The following B3GALT1 variants were observed in gnomAD, a reference collection of about 807,000 sequenced individuals.
The protein encoded by B3GALT1 is beta-1,3-galactosyltransferase 1.
B3GALT1 carries 10 observed loss-of-function variants against 23.2 expected under a neutral mutation model. That is an observed-to-expected ratio of 0.43 (90% CI 0.27 to 0.73). The LOEUF (loss-of-function observed/expected upper bound fraction) is 0.73, where lower values mean the gene tolerates loss of function less well. B3GALT1 is among the 30% of genes least tolerant of loss of function. The pLI is 0.21. For synonymous variants in B3GALT1, 156 were observed against 141.5 expected (o/e 1.10, Z -0.73); for missense variants, 299 against 405.4 (o/e 0.74, Z 2.25).
chr2:167,458,256 C>T (rs1398302470), intron 1 of B3GALT1, among the ~76,000 whole-genome samples: 6 of 152,166 alleles, frequency 3.9e-5, no homozygotes, highest in Admixed American at 6.5e-5. Context: ...AAAATGTTCT[C>T]AACTTTCATC....
At chr2:167,488,249 G>T (rs186569059) in intron 1 of B3GALT1, among the ~76,000 whole-genome samples, 1 of 152,280 alleles carries the variant, frequency 6.6e-6, no homozygotes, top group East Asian at 1.9e-4. Flanking sequence ...GTATAAAGTA[G>T]TTCATTCTGT....
At chr2:167,784,804 A>G (rs1335303068) in intron 3 of B3GALT1, among the ~76,000 whole-genome samples, 2 of 152,236 alleles carry the variant, frequency 1.3e-5, no homozygotes, top group African/African-American at 2.4e-5. Context: ...TATGACATGA[A>G]TATCATAGCT....
chr2:167,785,284 C>G (rs914997405), intron 3 of B3GALT1, among the ~76,000 whole-genome samples: 2 of 152,068 alleles, frequency 1.3e-5, no homozygotes, highest in African/African-American at 4.8e-5. Flanking sequence ...TGGTTGGGAT[C>G]GTAGAGGTAC....
At chr2:167,580,737 G>A (rs1348407507) in intron 2 of B3GALT1, among the ~76,000 whole-genome samples, 1 of 152,152 alleles carries the variant, frequency 6.6e-6, no homozygotes, top group Non-Finnish European at 1.5e-5. Context: ...GGTGGGGAGG[G>A]ACTGGGTTTT....
At chr2:167,841,404 C>T (rs189725827) in intron 4 of B3GALT1, among the ~76,000 whole-genome samples, 3 of 152,194 alleles carry the variant, frequency 2.0e-5, no homozygotes. Flanking sequence ...TAAATGGAGA[C>T]CGAAAATTTG....
chr2:167,562,894 A>C (rs1339475509), intron 2 of B3GALT1, among the ~76,000 whole-genome samples: 16 of 152,080 alleles, frequency 1.1e-4, no homozygotes, highest in Admixed American at 1.0e-3. Flanking sequence ...AACAAAGCAC[A>C]TCTTGCACCG....
intron 2 of B3GALT1, among the ~76,000 whole-genome samples, chr2:167,615,902 G>C (rs1281042899): frequency 6.6e-6 from 1 of 152,014 alleles, no homozygotes; most frequent in Non-Finnish European, 1.5e-5. Flanking sequence ...CCCAAAGTTA[G>C]ACAGTTCTAA....
intron 1 of B3GALT1, among the ~76,000 whole-genome samples, chr2:167,318,487 A>C (rs1425204789): frequency 6.6e-6 from 1 of 152,158 alleles, no homozygotes. Context: ...AACTTTCTGC[A>C]GTCAGGCTCT....
At chr2:167,443,375 T>C (rs1403018389) in intron 1 of B3GALT1, among the ~76,000 whole-genome samples, 3 of 152,206 alleles carry the variant, frequency 2.0e-5, no homozygotes, top group Non-Finnish European at 4.4e-5. Context: ...TTTGGTTCCA[T>C]ATGAACTTTA....
intron 1 of B3GALT1, among the ~76,000 whole-genome samples, chr2:167,377,333 A>AG (rs1325515903): frequency 1.3e-5 from 2 of 152,068 alleles, no homozygotes; most frequent in Non-Finnish European, 2.9e-5. Context: ...ATTATTCTGT[A>AG]GATGTCTGTT....
intron 4 of B3GALT1, among the ~76,000 whole-genome samples, chr2:167,836,295 T>C (rs1294844175): frequency 2.6e-5 from 4 of 152,072 alleles, no homozygotes; most frequent in African/African-American, 4.8e-5. Context: ...TTTAGAAGAA[T>C]GTATAACTAG....
chr2:167,781,823 C>G (rs1364099504), intron 3 of B3GALT1, among the ~76,000 whole-genome samples: 1 of 152,134 alleles, frequency 6.6e-6, no homozygotes, highest in Non-Finnish European at 1.5e-5. Flanking sequence ...CTCACTGCAA[C>G]CTCTGCCTCC....
rs557899156 is a variant in B3GALT1 at position 167,608,448 on chromosome 2, A to G, written c.-409-38461A>G. ...TTGAGAGTTTAAAACGCTTGTATTT[A>G]AGGTTTAATTCTTAATCTTTTAAAT... is the stretch of plus-strand genomic sequence containing the variant. On this transcript the variant is annotated intron_variant, in intron 2 of 4. Coordinates refer to ENST00000392690, the MANE Select transcript of B3GALT1 (RefSeq NM_020981.4). Among the ~76,000 whole-genome samples the G allele has an allele frequency of 9.8e-5, 15 of 152,306 alleles. No individual in the cohort carries two copies. The South Asian group carries it at 2.9e-3, about 29-fold the overall frequency.
intron 4 of B3GALT1, among the ~76,000 whole-genome samples, chr2:167,842,239 G>A (rs1170714457): frequency 6.6e-6 from 1 of 152,226 alleles, no homozygotes; most frequent in Non-Finnish European, 1.5e-5. Flanking sequence ...ATCCTAGAGA[G>A]AAGTAGCAAC....
chr2:167,498,387 T>C (rs16853656), intron 2 of B3GALT1, among the ~76,000 whole-genome samples: 7,155 of 152,192 alleles, frequency 0.047, 549 homozygotes, highest in African/African-American at 0.16. Context: ...AGAATTAAAA[T>C]GTAGCAATAA....
intron 3 of B3GALT1, among the ~76,000 whole-genome samples, chr2:167,781,979 G>A (rs896510399): frequency 4.6e-5 from 7 of 152,128 alleles, no homozygotes; most frequent in Non-Finnish European, 8.8e-5. Context: ...CTGAGCTCAA[G>A]CGATCTGCCC....
chr2:167,602,447 T>C (rs991661812), intron 2 of B3GALT1, among the ~76,000 whole-genome samples: 2 of 152,126 alleles, frequency 1.3e-5, no homozygotes, highest in African/African-American at 4.8e-5. Context: ...GAGATTCTAT[T>C]TTCAAATGAC....
At chr2:167,619,954 G>A (rs1183880151) in intron 2 of B3GALT1, among the ~76,000 whole-genome samples, 1 of 152,038 alleles carries the variant, frequency 6.6e-6, no homozygotes, top group Non-Finnish European at 1.5e-5. Context: ...AACAAATACT[G>A]AACTATTTTA....
At chr2:167,508,328 G>T (rs548575143) in intron 2 of B3GALT1, among the ~76,000 whole-genome samples, 2 of 147,494 alleles carry the variant, frequency 1.4e-5, no homozygotes. Context: ...CAGTGATCTC[G>T]GCTCACTGCA....
Sources: allele counts gnomAD v4.1 joint callset (sites outside exome capture counted in the v4.1 genomes callset), GRCh38; gene constraint gnomAD v4.1.1; transcripts MANE v1.5; gene names NCBI Gene and HGNC (gene_info 2026-07-23, HGNC 2026-07-21).